The following CCT4 variants were observed in gnomAD, a reference collection of about 807,000 sequenced individuals.
CCT4 encodes chaperonin containing TCP1 subunit 4.
In CCT4, 17 loss-of-function variants were observed where a neutral mutation model predicts 62.5. The observed-to-expected ratio is 0.27, with a 90% CI of 0.19 to 0.41. The LOEUF is 0.41. Among genes scored for constraint, CCT4 ranks in the 10% least tolerant of loss-of-function variants. The pLI, the probability that CCT4 is intolerant of heterozygous loss-of-function variation, is 1.00. For synonymous variants in CCT4, 250 were observed against 229.9 expected, an observed-to-expected ratio of 1.09 and a Z score of -0.79; for missense variants, 592 against 659.2, an observed-to-expected ratio of 0.90 and a Z score of 1.12.
chr2:61,884,122 C>A (rs957549424), intron 2 of CCT4, among the ~76,000 whole-genome samples: 1 of 152,152 alleles, frequency 6.6e-6, no homozygotes, highest in Non-Finnish European at 1.5e-5. Context: ...ATAAGGAACA[C>A]TAAACTGAAG....
chr2:61,888,311 C>T, intron 1 of CCT4, 70 bp downstream of exon 1: 1 of 1,547,732 alleles, frequency 6.5e-7, no homozygotes, highest in South Asian at 1.2e-5. Context: ...GAGCCAAACC[C>T]GCTCAAGCCC....
intron 3 of CCT4, among the ~76,000 whole-genome samples, chr2:61,882,080 G>A (rs1337318908): frequency 6.6e-6 from 1 of 151,850 alleles, no homozygotes; most frequent in African/African-American, 2.4e-5. Flanking sequence ...TTAAAGGCAT[G>A]CACCACCACG....
At chr2:61,875,446 G>A (rs1438235316) in intron 8 of CCT4, among the ~76,000 whole-genome samples, 1 of 151,784 alleles carries the variant, frequency 6.6e-6, no homozygotes, top group Non-Finnish European at 1.5e-5. Context: ...CAGGTGTGGT[G>A]GCACGTGCCT....
At chr2:61,874,886 T>C (rs1218270425) in intron 8 of CCT4, among the ~76,000 whole-genome samples, 1 of 152,208 alleles carries the variant, frequency 6.6e-6, no homozygotes, top group Non-Finnish European at 1.5e-5. Flanking sequence ...GGCTCATGCC[T>C]GTAACCCCAG....
At chr2:61,876,801 A>G in intron 7 of CCT4, 119 bp downstream of exon 7, 1 of 807,230 alleles carries the variant, frequency 1.2e-6, no homozygotes, top group South Asian at 2.0e-5. Flanking sequence ...TCTCAATTCT[A>G]GTAAGTCTTT....
chr2:61,872,699 G>T, intron 10 of CCT4, 111 bp from the exon 11 acceptor site: 2 of 1,069,984 alleles, frequency 1.9e-6, no homozygotes, highest in Non-Finnish European at 2.7e-6. Context: ...AGGATGAGGC[G>T]GGTGGCTAAC....
intron 3 of CCT4, 152 bp downstream of exon 3, chr2:61,883,307 G>C: frequency 1.9e-6 from 1 of 534,124 alleles, no homozygotes; most frequent in Admixed American, 3.7e-5. Context: ...TGTAATCCCA[G>C]CTACTCAGGA....
At chr2:61,873,328 G>A (rs752105942) in intron 8 of CCT4, 35 bp from the exon 9 acceptor site, 1 of 1,193,400 alleles carries the variant, frequency 8.4e-7, no homozygotes, top group Non-Finnish European at 1.2e-6. Context: ...GTCAATGCTA[G>A]ATTAAAAAAA....
At chr2:61,874,925 A>G (rs924550703) in intron 8 of CCT4, among the ~76,000 whole-genome samples, 1 of 152,052 alleles carries the variant, frequency 6.6e-6, no homozygotes, top group African/African-American at 2.4e-5. Context: ...CTGGCGGATC[A>G]CCTGAGGTTG....
At chr2:61,883,799 C>G (rs942536814) in intron 2 of CCT4, among the ~76,000 whole-genome samples, 4 of 148,908 alleles carry the variant, frequency 2.7e-5, no homozygotes, top group African/African-American at 5.2e-5. Flanking sequence ...CACACACACA[C>G]ACACACACAC....
In CCT4 at chr2:61,873,303, A is replaced by G. The variant is rs1245247404; in HGVS notation, c.918-10T>C. 1 of 1,440,072 alleles carries G rather than the reference A, an allele frequency of 6.9e-7. No individual in the cohort carries two copies. Among genetic ancestry groups the G allele is most frequent in the Non-Finnish European group, 9.7e-7 (1 of 1,027,126 alleles). 89.2% of individuals were successfully genotyped at this position (1,440,072 alleles called of 1,614,324 possible). A position where few individuals can be genotyped will look rare whatever the true frequency, so the allele number is the denominator to read the frequency against. ...ATCACTAAGAGCATCTCTAAAATAC[A>G]AAATCAGTGATTATGTCAATGCTAG... On this transcript the variant is annotated splice_polypyrimidine_tract_variant and intron_variant, in intron 8 of 13. Transcript: ENST00000394440.
intron 2 of CCT4, among the ~76,000 whole-genome samples, chr2:61,883,797 C>CGT (rs1172500195): frequency 1.3e-5 from 2 of 151,440 alleles, no homozygotes; most frequent in Non-Finnish European, 2.9e-5. Context: ...CACACACACA[C>CGT]ACACACACAC....
chr2:61,872,480 T>C lies in CCT4; in HGVS notation c.1234A>G (p.Ile412Val), dbSNP rs749706557. ...TACCTCTTCTTCACTAAACAACGAA[T>C]AACACATAGGGCATCATGAATGGAG... ...ERSIHDALCV[I>V]RCLVKKRALI... Residue 412 changes from isoleucine (I) to valine (V), a missense_variant, in exon 11 of 14, where the codon ATT (isoleucine) becomes GTT (valine). By Grantham distance (29) the Ile-to-Val change is conservative. Around this residue, in one of 3 missense-constraint regions of CCT4, gnomAD observed 522 missense variants for 571.2 expected, o/e 0.91. Transcript: ENST00000394440. 55 of 1,613,276 alleles carry C rather than the reference T, an allele frequency of 3.4e-5. 1 individual carries two copies. The highest frequency in any genetic ancestry group is 3.7e-5 in the Non-Finnish European group (44 of 1,179,578).
intron 3 of CCT4, among the ~76,000 whole-genome samples, chr2:61,882,542 G>A (rs7590526): frequency 0.4 from 59,879 of 150,982 alleles, 12,069 homozygotes; most frequent in African/African-American, 0.46. Flanking sequence ...TTGAGACAGG[G>A]TCTCGCTTTG....
At position 61,879,012 on chromosome 2, in the gene CCT4, C is replaced by A; in HGVS notation, c.380-1G>T. The A allele has an allele frequency of 6.3e-7, 1 of 1,589,322 alleles. No individual in the cohort carries two copies. On this transcript the variant is annotated splice_acceptor_variant, in intron 4 of 13. Transcript: ENST00000394440. LOFTEE classifies it high-confidence loss of function. ...TCAGAAATGATGGTTGGATGAATCCCTGTAATTTGTGAAAGTCTAGTTATT... is the reference window on the plus strand; with the variant it reads ...TCAGAAATGATGGTTGGATGAATCCATGTAATTTGTGAAAGTCTAGTTATT...
intron 1 of CCT4, among the ~76,000 whole-genome samples, chr2:61,886,648 C>A (rs940712770): frequency 1.3e-5 from 2 of 152,178 alleles, no homozygotes; most frequent in Non-Finnish European, 2.9e-5. Context: ...ACATGCACAC[C>A]CTCCTCTGTT....
chr2:61,885,095 A>G (rs1669218998), intron 1 of CCT4, 23 bp from the exon 2 acceptor site: 2 of 1,522,046 alleles, frequency 1.3e-6, no homozygotes, highest in African/African-American at 1.5e-5. Flanking sequence ...GGGAAAAAAA[A>G]GAAAACAAAT....
intron 5 of CCT4, among the ~76,000 whole-genome samples, chr2:61,877,877 G>C (rs1460441259): frequency 6.6e-6 from 1 of 152,116 alleles, no homozygotes; most frequent in East Asian, 1.9e-4. Flanking sequence ...TCCTGATGAG[G>C]GGTTGATAAA....
chr2:61,875,101 C>T (rs965470194), intron 8 of CCT4, among the ~76,000 whole-genome samples: 5 of 149,416 alleles, frequency 3.3e-5, no homozygotes, highest in African/African-American at 1.2e-4. Flanking sequence ...GAGATCGCAC[C>T]ATTGATTCCA....
Sources: gnomAD v4.1 joint callset for allele counts (sites outside exome capture counted in the v4.1 genomes callset) on GRCh38, gnomAD v4.1.1 for gene constraint, gnomAD v4.1.1 regional missense constraint, MANE v1.5 for transcripts, NCBI Gene and HGNC (gene_info 2026-07-23, HGNC 2026-07-21) for gene names.